Variants in STXBP4 observed in about 807,000 individuals in gnomAD.
STXBP4 encodes the protein syntaxin-binding protein 4.
Under a neutral mutation model 76.1 loss-of-function variants are expected in STXBP4, and 55 were observed. The observed-to-expected ratio is 0.72, with a 90% CI of 0.58 to 0.91. The LOEUF (loss-of-function observed/expected upper bound fraction) is 0.91, where lower values mean the gene tolerates loss of function less well. Ranked by LOEUF, STXBP4 falls within the 40% of genes least tolerant of loss-of-function variation. STXBP4 has a pLI of 0.00. For missense variants in STXBP4, 618 were observed against 636.9 expected (o/e 0.97, Z 0.32); for synonymous variants, 201 against 220.2 (o/e 0.91, Z 0.77).
intron 17 of STXBP4, 56 bp downstream of exon 17, chr17:55,141,423 T>C: frequency 6.8e-7 from 1 of 1,465,844 alleles, no homozygotes; most frequent in South Asian, 1.3e-5. Context: ...GGAGAGAACC[T>C]GGAAGTTGCA....
rs1324215548 is a variant in STXBP4 at position 55,034,256 on chromosome 17, A to G, written c.852A>G (p.Ser284=). The change falls in exon 10 of 18, where the codon TCA becomes TCG. Residue 284 remains serine, a synonymous_variant. Transcript: ENST00000376352. ...GAHEISNILD[S]QLLPCDSSEA... ...ATGAAATTTCCAATATATTAGATTC[A>G]CAGGTAGAGTATGCCCTATAGAATT... is the stretch of plus-strand genomic sequence containing the variant. 6.2e-7 allele frequency: 1 copy of G among 1,609,654 alleles called. No individual in the cohort carries two copies.
intron 1 of STXBP4, among the ~76,000 whole-genome samples, chr17:54,974,608 C>T (rs188020661): frequency 5.9e-5 from 9 of 152,370 alleles, no homozygotes; most frequent in Admixed American, 2.0e-4. Context: ...AGGCCCTACT[C>T]TTAAAAGGGC....
At chr17:55,193,343 GAA>G in the STXBP4 span, among the ~76,000 whole-genome samples, 5 of 152,202 alleles carry the variant, frequency 3.3e-5, no homozygotes, top group African/African-American at 1.2e-4. Flanking sequence ...TACATGAAAT[GAA>G]CCTGATTATG....
At chr17:55,028,435 A>G (rs1938301123) in intron 8 of STXBP4, among the ~76,000 whole-genome samples, 2 of 152,154 alleles carry the variant, frequency 1.3e-5, no homozygotes, top group African/African-American at 4.8e-5. Context: ...TTTGCAAAAA[A>G]TCCACAATTT....
At chr17:55,068,027 A>G (rs566039923) in intron 12 of STXBP4, among the ~76,000 whole-genome samples, 5 of 152,248 alleles carry the variant, frequency 3.3e-5, no homozygotes, top group Admixed American at 3.3e-4. Flanking sequence ...TCATTTGTCA[A>G]TATCTGCAAA....
chr17:55,140,827 A>G (rs1435322849), intron 16 of STXBP4, among the ~76,000 whole-genome samples: 1 of 152,168 alleles, frequency 6.6e-6, no homozygotes, highest in Non-Finnish European at 1.5e-5. Flanking sequence ...TTCAAACTTA[A>G]TAAGGAATTT....
At chr17:55,127,076 C>G (rs1433614963) in intron 16 of STXBP4, among the ~76,000 whole-genome samples, 2 of 152,190 alleles carry the variant, frequency 1.3e-5, no homozygotes, top group African/African-American at 4.8e-5. Flanking sequence ...CTGCATTATA[C>G]TACCACCATC....
At chr17:55,198,370 G>T in the STXBP4 span, among the ~76,000 whole-genome samples, 1 of 152,078 alleles carries the variant, frequency 6.6e-6, no homozygotes, top group South Asian at 2.1e-4. Flanking sequence ...CAGGTTCTCT[G>T]CCTCCAGACC....
intron 16 of STXBP4, among the ~76,000 whole-genome samples, chr17:55,116,025 G>A (rs2079776364): frequency 6.6e-6 from 1 of 151,868 alleles, no homozygotes. Context: ...CAGTATAGGT[G>A]TAAAGACAAA....
intron 7 of STXBP4, among the ~76,000 whole-genome samples, chr17:55,003,775 T>A (rs2077958513): frequency 6.6e-6 from 1 of 152,170 alleles, no homozygotes; most frequent in Non-Finnish European, 1.5e-5. Context: ...GAAATTTATT[T>A]CAAAATCCAG....
At chr17:55,081,016 T>A in intron 15 of STXBP4, 34 bp from the exon 16 acceptor site, 1 of 1,407,790 alleles carries the variant, frequency 7.1e-7, no homozygotes, top group Non-Finnish European at 9.3e-7. Flanking sequence ...GTTTATTGTG[T>A]AGTAAGTTCA....
chr17:55,025,187 T>C (rs1415351180), intron 8 of STXBP4, among the ~76,000 whole-genome samples: 1 of 152,058 alleles, frequency 6.6e-6, no homozygotes, highest in East Asian at 1.9e-4. Flanking sequence ...GTTATAGATA[T>C]TACTGTTGTC....
In STXBP4 at chr17:55,016,781, C is replaced by G. The variant is rs149749892; in HGVS notation, c.666+9184C>G. 3.3e-3 allele frequency among the ~76,000 whole-genome samples: 502 copies of G among 152,282 alleles called. 2 individuals are homozygous for G. Among genetic ancestry groups the G allele is most frequent in the African/African-American group, 0.011 (468 of 41,558 alleles). ...TGAACTATCAGTGGTGTTAAATTAC[C>G]TTTTTCTAACAGAATAGCCCCATAC... On this transcript the variant is annotated intron_variant, in intron 8 of 17. Transcript: ENST00000376352.
intron 8 of STXBP4, among the ~76,000 whole-genome samples, chr17:55,021,553 A>G (rs1321059409): frequency 6.6e-6 from 1 of 152,080 alleles, no homozygotes; most frequent in Non-Finnish European, 1.5e-5. Context: ...TATAAAAGGA[A>G]TTAGCACCCA....
At chr17:55,191,295 C>G in the STXBP4 span, among the ~76,000 whole-genome samples, 28 of 152,212 alleles carry the variant, frequency 1.8e-4, no homozygotes, top group East Asian at 2.7e-3. Flanking sequence ...ATATGTGCCA[C>G]CTGGGAGCCA....
chr17:55,018,776 G>C (rs1170881966), intron 8 of STXBP4, among the ~76,000 whole-genome samples: 1 of 152,194 alleles, frequency 6.6e-6, no homozygotes, highest in Non-Finnish European at 1.5e-5. Context: ...AACTTCTTAA[G>C]GGTGGGGGAG....
intron 9 of STXBP4, among the ~76,000 whole-genome samples, chr17:55,032,182 T>G (rs916049867): frequency 9.2e-5 from 14 of 152,156 alleles, no homozygotes; most frequent in Admixed American, 4.6e-4. Flanking sequence ...TTGTCACTAT[T>G]AAGTAATTTT....
At chr17:54,992,925 C>A (rs1234102920) in intron 4 of STXBP4, among the ~76,000 whole-genome samples, 2 of 151,966 alleles carry the variant, frequency 1.3e-5, no homozygotes, top group Non-Finnish European at 2.9e-5. Context: ...GTTGGCCAGG[C>A]TAGTCTCGAA....
chr17:55,144,427 G>A (rs1250237255), intron 17 of STXBP4, among the ~76,000 whole-genome samples: 1 of 152,048 alleles, frequency 6.6e-6, no homozygotes, highest in African/African-American at 2.4e-5. Flanking sequence ...TTATACAGAG[G>A]CCAGTGAACA....
Sources: gnomAD v4.1 joint callset for allele counts (sites outside exome capture counted in the v4.1 genomes callset) on GRCh38, gnomAD v4.1.1 for gene constraint, MANE v1.5 for transcripts, NCBI Gene and HGNC (gene_info 2026-07-23, HGNC 2026-07-21) for gene names.